RELN: variants seen among roughly 807,000 people sequenced by gnomAD.
RELN encodes the protein reelin.
In RELN, 108 loss-of-function variants were observed where a neutral mutation model predicts 427.6. The observed-to-expected ratio is 0.25, with a 90% CI of 0.22 to 0.30. The LOEUF (loss-of-function observed/expected upper bound fraction) is 0.30, where lower values mean the gene tolerates loss of function less well. Among genes scored for constraint, RELN ranks in the 10% least tolerant of loss-of-function variants. The pLI is 1.00. For synonymous variants in RELN, 1,524 were observed against 1,513.4 expected (o/e 1.01, Z -0.16); for missense variants, 3,715 against 4,302.8 (o/e 0.86, Z 3.82).
intron 42 of RELN, among the ~76,000 whole-genome samples, chr7:103,543,370 G>A (rs1207852925): frequency 1.3e-5 from 2 of 152,226 alleles, no homozygotes; most frequent in African/African-American, 4.8e-5. Context: ...TTAAGGCTGG[G>A]TGCGGTGGCT....
intron 4 of RELN, among the ~76,000 whole-genome samples, chr7:103,776,012 A>G (rs1465087998): frequency 6.6e-6 from 1 of 152,184 alleles, no homozygotes; most frequent in Non-Finnish European, 1.5e-5. Context: ...TAACTTTTTC[A>G]TTGTGCTGTG....
chr7:103,933,980 A>G (rs1795922402), intron 1 of RELN, among the ~76,000 whole-genome samples: 1 of 152,030 alleles, frequency 6.6e-6, no homozygotes, highest in South Asian at 2.1e-4. Flanking sequence ...ATCCCTGCCC[A>G]CCTTTCCATG....
At chr7:103,716,419 C>T (rs1290701849) in intron 8 of RELN, among the ~76,000 whole-genome samples, 1 of 152,018 alleles carries the variant, frequency 6.6e-6, no homozygotes, top group Non-Finnish European at 1.5e-5. Context: ...AACGTAAGCA[C>T]ATTATGATAC....
chr7:103,905,814 T>C (rs1795191879), intron 2 of RELN, among the ~76,000 whole-genome samples: 1 of 151,774 alleles, frequency 6.6e-6, no homozygotes. Flanking sequence ...CTGGTGGAGG[T>C]CCGAGAAGAC....
chr7:103,692,661 C>G (rs1833896196), intron 10 of RELN, among the ~76,000 whole-genome samples: 1 of 152,054 alleles, frequency 6.6e-6, no homozygotes, highest in Non-Finnish European at 1.5e-5. Context: ...ACTAAAGTAA[C>G]TCGATGACTC....
chr7:103,877,738 A>T (rs1236415282), intron 2 of RELN, among the ~76,000 whole-genome samples: 1 of 151,734 alleles, frequency 6.6e-6, no homozygotes, highest in Non-Finnish European at 1.5e-5. Flanking sequence ...TTCTCCAGCC[A>T]TCCTAAACTC....
In RELN at chr7:103,611,765, T is replaced by A; in HGVS notation, c.2741A>T (p.Tyr914Phe). 6.2e-7 allele frequency: 1 copy of A among 1,614,000 alleles called. No homozygotes were observed. The highest frequency in any genetic ancestry group is 8.5e-7 in the Non-Finnish European group (1 of 1,179,934). ...GDSKLASSMR[Y>F]VETQSMQIGA... is the part of the protein sequence containing the mutation. ...TATCTGCATTGATTGTGTTTCCACA[T>A]AGCGCATACTTGAGGCAAGTTTAGA... The change falls in exon 21 of 65, where the codon TAT becomes TTT. Residue 914 changes from tyrosine to phenylalanine, a missense_variant. Physicochemically the swap from Tyr to Phe is conservative, Grantham distance 22 (BLOSUM62 3). Transcript: ENST00000428762.
intron 2 of RELN, among the ~76,000 whole-genome samples, chr7:103,885,591 G>T (rs1794709303): frequency 6.6e-6 from 1 of 152,030 alleles, no homozygotes; most frequent in South Asian, 2.1e-4. Flanking sequence ...CCTGTTGTGG[G>T]TTGGGGGACT....
intron 1 of RELN, among the ~76,000 whole-genome samples, chr7:103,977,267 C>T (rs1018745644): frequency 7.1e-4 from 100 of 141,796 alleles, no homozygotes; most frequent in Non-Finnish European, 1.3e-3. Flanking sequence ...GCCGAGATCA[C>T]GCCACTGCAC....
At chr7:103,692,663 C>T (rs10281066) in intron 10 of RELN, among the ~76,000 whole-genome samples, 1 of 151,892 alleles carries the variant, frequency 6.6e-6, no homozygotes, top group Non-Finnish European at 1.5e-5. Context: ...TAAAGTAACT[C>T]GATGACTCTT....
In RELN at chr7:103,824,956, C is replaced by T. The variant is rs74626055; in HGVS notation, c.473+8581G>A. Among the ~76,000 whole-genome samples the T allele has an allele frequency of 4.0e-5, 6 of 150,406 alleles. No homozygotes were observed. The highest frequency in any genetic ancestry group is 7.4e-5 in the Non-Finnish European group (5 of 67,478). On this transcript the variant is annotated intron_variant, in intron 3 of 64. Transcript: ENST00000428762. This position sits in a 1 kb window ranked among gnomAD's most constrained non-coding sequence, Gnocchi z 4.4. ...TTGGATCAAAACACACCTGTCTTTG[C>T]GAGTTTTTGAAGCTCTTGCTTCAAA...
At chr7:103,741,196 G>C (rs939389322) in intron 6 of RELN, among the ~76,000 whole-genome samples, 2 of 152,212 alleles carry the variant, frequency 1.3e-5, no homozygotes, top group African/African-American at 2.4e-5. Flanking sequence ...AAACAAACTG[G>C]GGCTTTGTTA....
intron 1 of RELN, among the ~76,000 whole-genome samples, chr7:103,978,213 A>G (rs908471471): frequency 6.6e-6 from 1 of 152,086 alleles, no homozygotes; most frequent in African/African-American, 2.4e-5. Flanking sequence ...TTTGCCTGAC[A>G]TCTCCCCACC....
chr7:103,738,202 C>A (rs1790542890), intron 6 of RELN, among the ~76,000 whole-genome samples: 1 of 151,008 alleles, frequency 6.6e-6, no homozygotes. Context: ...TGGATGCCTT[C>A]TGTGATCTTC....
At chr7:103,475,202 C>A (rs1827991715) in intron 64 of RELN, among the ~76,000 whole-genome samples, 1 of 151,584 alleles carries the variant, frequency 6.6e-6, no homozygotes, top group African/African-American at 2.4e-5. Context: ...TTGTTTACTC[C>A]CTCTATAAGT....
At chr7:103,551,960 G>A (rs1333110185) in intron 40 of RELN, among the ~76,000 whole-genome samples, 1 of 146,346 alleles carries the variant, frequency 6.8e-6, no homozygotes, top group Non-Finnish European at 1.5e-5. Context: ...TGTGTGTGTG[G>A]TAAGAGCATC....
intron 24 of RELN, among the ~76,000 whole-genome samples, chr7:103,601,081 G>A (rs1173014798): frequency 6.6e-6 from 1 of 151,952 alleles, no homozygotes; most frequent in Non-Finnish European, 1.5e-5. Context: ...TTAAGTGGAA[G>A]AAATATTGAT....
At chr7:103,651,847 A>G in intron 14 of RELN, 58 bp from the exon 15 acceptor site, 1 of 1,580,146 alleles carries the variant, frequency 6.3e-7, no homozygotes, top group Non-Finnish European at 8.7e-7. Flanking sequence ...TAACAAATCA[A>G]ATGAAATTTT....
chr7:103,942,443 C>T (rs1796134568), intron 1 of RELN, among the ~76,000 whole-genome samples: 2 of 152,142 alleles, frequency 1.3e-5, no homozygotes, highest in African/African-American at 4.8e-5. Flanking sequence ...GAGACATTTC[C>T]TAGCTCAATG....
Sources: gnomAD v4.1 joint callset for allele counts (sites outside exome capture counted in the v4.1 genomes callset) on GRCh38, gnomAD v4.1.1 for gene constraint, Gnocchi (gnomAD v3.1) non-coding constraint, MANE v1.5 for transcripts, NCBI Gene and HGNC (gene_info 2026-07-23, HGNC 2026-07-21) for gene names.